EYS: variants seen among roughly 807,000 people sequenced by gnomAD.
EYS encodes the protein EGF-like photoreceptor maintenance factor.
In EYS, 250 loss-of-function variants were observed where a neutral mutation model predicts 282.1. The ratio of observed to expected loss-of-function variants is 0.89; its 90% CI spans 0.80 to 0.98. The LOEUF (loss-of-function observed/expected upper bound fraction) is 0.98. Ranked by LOEUF, EYS falls within the 50% of genes least tolerant of loss-of-function variation. The pLI is 0.00. For synonymous variants in EYS, 1,355 were observed against 1,282.9 expected, an observed-to-expected ratio of 1.06 and a Z score of -1.20; for missense variants, 4,016 against 3,709.0, an observed-to-expected ratio of 1.08 and a Z score of -2.15.
At chr6:64,429,790 G>A (rs548465378) in intron 28 of EYS, among the ~76,000 whole-genome samples, 2 of 152,074 alleles carry the variant, frequency 1.3e-5, no homozygotes, top group Admixed American at 6.6e-5. Flanking sequence ...CACTTGGAAA[G>A]GAAGAGAAAA....
At chr6:63,917,955 G>T (rs1257392761) in intron 35 of EYS, among the ~76,000 whole-genome samples, 3 of 152,168 alleles carry the variant, frequency 2.0e-5, no homozygotes, top group Non-Finnish European at 4.4e-5. Context: ...ACTCAGCAAG[G>T]AAAGTATTCA....
At chr6:65,236,289 A>G (rs1193698104) in intron 12 of EYS, among the ~76,000 whole-genome samples, 2 of 152,126 alleles carry the variant, frequency 1.3e-5, no homozygotes, top group Non-Finnish European at 2.9e-5. Context: ...CAATTACACC[A>G]TAACCTAAAA....
At chr6:63,869,359 C>G (rs1203481456) in intron 35 of EYS, among the ~76,000 whole-genome samples, 1 of 152,012 alleles carries the variant, frequency 6.6e-6, no homozygotes, top group Non-Finnish European at 1.5e-5. Context: ...TCTCTCTTCC[C>G]TCTTCCTTCT....
At chr6:64,194,951 G>A (rs928371944) in intron 31 of EYS, among the ~76,000 whole-genome samples, 4 of 152,078 alleles carry the variant, frequency 2.6e-5, no homozygotes, top group Middle Eastern at 3.4e-3. Flanking sequence ...TGCCTAACTC[G>A]TGTAACAACA....
chr6:64,142,672 T>C (rs543904456), intron 31 of EYS, among the ~76,000 whole-genome samples: 2 of 152,168 alleles, frequency 1.3e-5, no homozygotes, highest in South Asian at 4.1e-4. Flanking sequence ...CCAGCAGTAG[T>C]GGAAGGCACA....
chr6:65,436,467 GA>G (rs879660060), intron 5 of EYS, among the ~76,000 whole-genome samples: 8 of 150,704 alleles, frequency 5.3e-5, no homozygotes, highest in South Asian at 2.1e-4. Context: ...GAAAAAAGAA[GA>G]AAAAAAAATG....
At chr6:65,013,550 AG>A (rs955678064) in intron 13 of EYS, among the ~76,000 whole-genome samples, 89 of 152,288 alleles carry the variant, frequency 5.8e-4, no homozygotes, top group African/African-American at 2.1e-3. Context: ...CCCCACCACT[AG>A]TGTACATACC....
intron 29 of EYS, among the ~76,000 whole-genome samples, chr6:64,375,563 G>A (rs572722506): frequency 6.6e-6 from 1 of 152,310 alleles, no homozygotes; most frequent in South Asian, 2.1e-4. Flanking sequence ...TGTGGGGTAG[G>A]AGATATGGCA....
intron 30 of EYS, among the ~76,000 whole-genome samples, chr6:64,272,538 G>A (rs1767978022): frequency 6.6e-6 from 1 of 152,072 alleles, no homozygotes; most frequent in African/African-American, 2.4e-5. Context: ...ATGAAGCTTA[G>A]TTTGGCTGGA....
chr6:65,164,839 C>A (rs1764934574), intron 12 of EYS, among the ~76,000 whole-genome samples: 1 of 151,140 alleles, frequency 6.6e-6, no homozygotes, highest in Admixed American at 6.6e-5. Context: ...ATGTACAACC[C>A]CAGTCTCTGC....
In EYS at chr6:64,230,809, C is replaced by T; in HGVS notation, c.6207G>A (p.Met2069Ile). The change falls in exon 31 of 43, where the codon ATG becomes ATA. Residue 2069 changes from methionine (M) to isoleucine (I), a missense_variant. Met to Ile is a conservative substitution (Grantham distance 10). Coordinates refer to ENST00000503581, the MANE Select transcript of EYS (RefSeq NM_001142800.2). Reference sequence around the variant, plus strand: ...CAACAAAGGAGGCTGTTGGAGACAGCATAAATCCCTGGGATCTGTGATTTA... The same window carrying T: ...CAACAAAGGAGGCTGTTGGAGACAGTATAAATCCCTGGGATCTGTGATTTA... The part of the protein sequence containing the change: ...HINNCRSQGF[M>I]LSPTASFVDA... 1 of 1,542,914 alleles carries T rather than the reference C, an allele frequency of 6.5e-7. No homozygotes were observed. The highest frequency in any genetic ancestry group is 8.8e-7 in the Non-Finnish European group (1 of 1,140,140).
intron 23 of EYS, among the ~76,000 whole-genome samples, chr6:64,620,028 G>A (rs756097480): frequency 9.9e-5 from 15 of 152,020 alleles, no homozygotes; most frequent in African/African-American, 1.4e-4. Flanking sequence ...CAACAAACAA[G>A]GATAGAAAAT....
chr6:64,541,871 G>C (rs979155569), intron 26 of EYS, among the ~76,000 whole-genome samples: 2 of 152,122 alleles, frequency 1.3e-5, no homozygotes, highest in African/African-American at 2.4e-5. Flanking sequence ...ATATTATCTA[G>C]AGAACTATCT....
At chr6:64,052,216 TA>T (rs1222587587) in intron 33 of EYS, among the ~76,000 whole-genome samples, 2 of 152,118 alleles carry the variant, frequency 1.3e-5, no homozygotes, top group African/African-American at 2.4e-5. Context: ...TCAAATGTAA[TA>T]AAAAAATCAC....
chr6:65,219,462 A>G (rs964853035), intron 12 of EYS, among the ~76,000 whole-genome samples: 4 of 152,156 alleles, frequency 2.6e-5, no homozygotes, highest in South Asian at 2.1e-4. Flanking sequence ...TAGCAGCTGA[A>G]AAGAAAAGAT....
intron 15 of EYS, among the ~76,000 whole-genome samples, chr6:64,936,572 T>G (rs2150090296): frequency 6.6e-6 from 1 of 151,694 alleles, no homozygotes; most frequent in Middle Eastern, 3.4e-3. Flanking sequence ...TAAATAAGTT[T>G]ACTGATGTTG....
chr6:65,147,407 G>T (rs564163217), intron 12 of EYS, among the ~76,000 whole-genome samples: 10 of 151,822 alleles, frequency 6.6e-5, no homozygotes, highest in Middle Eastern at 3.2e-3. Flanking sequence ...TAGAATTTTC[G>T]ATGAAAATGT....
intron 41 of EYS, among the ~76,000 whole-genome samples, chr6:63,738,490 A>G (rs2149639957): frequency 6.6e-6 from 1 of 151,184 alleles, no homozygotes; most frequent in South Asian, 2.1e-4. Flanking sequence ...CGCAAGAACA[A>G]AAAACCAAAC....
intron 18 of EYS, among the ~76,000 whole-genome samples, chr6:64,898,234 C>T (rs1035550746): frequency 1.3e-5 from 2 of 152,124 alleles, no homozygotes; most frequent in African/African-American, 4.8e-5. Flanking sequence ...AAAGGGAGCC[C>T]ATCAGACTAA....
Sources: allele counts gnomAD v4.1 joint callset (sites outside exome capture counted in the v4.1 genomes callset), GRCh38; gene constraint gnomAD v4.1.1; transcripts MANE v1.5; gene names NCBI Gene and HGNC (gene_info 2026-07-23, HGNC 2026-07-21).